Variants in PDK1 observed in about 807,000 individuals in gnomAD.
The protein encoded by PDK1 is pyruvate dehydrogenase kinase 1.
PDK1 carries 39 observed loss-of-function variants against 54.2 expected under a neutral mutation model. The ratio of observed to expected loss-of-function variants is 0.72; its 90% CI spans 0.56 to 0.94. The LOEUF (loss-of-function observed/expected upper bound fraction) is 0.94. Among genes scored for constraint, PDK1 ranks in the 40% least tolerant of loss-of-function variants. The probability of loss-of-function intolerance (pLI) is 0.00; values close to 1 mark genes in which losing one functional copy is unlikely to be tolerated. For synonymous variants in PDK1, 221 were observed against 207.1 expected (o/e 1.07, Z -0.58); for missense variants, 552 against 566.0 (o/e 0.98, Z 0.25).
Position 172,598,282 on chromosome 2 carries a change from T to C in PDK1, c.*2313T>C, listed in dbSNP as rs1361309869. The C allele has an allele frequency of 6.6e-6, 1 of 152,244 alleles. No individual in the cohort carries two copies. Among genetic ancestry groups the C allele is most frequent in the African/African-American group, 2.4e-5 (1 of 41,462 alleles). 9.4% of individuals were successfully genotyped at this position (152,244 alleles called of 1,614,324 possible). A position where few individuals can be genotyped will look rare whatever the true frequency, so the allele number is the denominator to read the frequency against. On this transcript the variant is annotated 3_prime_UTR_variant, in exon 11 of 11. Transcript: ENST00000282077. Reference sequence around the variant, plus strand: ...CCCAAGAAAATTTAAACTTTTTCTCTCTATTTAAAAGCTAAGAAATGTTTT... The same window carrying C: ...CCCAAGAAAATTTAAACTTTTTCTCCCTATTTAAAAGCTAAGAAATGTTTT...
rs926411147 is a variant in PDK1 at position 172,603,342 on chromosome 2, G to A, written c.*7373G>A. ...ACTTGGTGGATGTGTCCATGACCTC[G>A]AGATCGAAAACCCATTAGTTAATCT... On this transcript the variant is annotated 3_prime_UTR_variant, in exon 11 of 11. Transcript: ENST00000282077. The A allele has an allele frequency of 2.6e-5, 4 of 152,086 alleles. No individual in the cohort carries two copies. The highest frequency in any genetic ancestry group is 4.8e-5 in the African/African-American group (2 of 41,404). The allele number at this position is 152,086 out of a possible 1,614,324, so 9.4% of individuals were successfully genotyped here.
At chr2:172,711,745 C>T in the PDK1 span, among the ~76,000 whole-genome samples, 3 of 151,392 alleles carry the variant, frequency 2.0e-5, no homozygotes, top group African/African-American at 2.4e-5. Context: ...GCAGGCCTTT[C>T]GTCCCAGCTA....
At chr2:172,578,583 GA>G (rs1689707603) in intron 8 of PDK1, among the ~76,000 whole-genome samples, 1 of 151,712 alleles carries the variant, frequency 6.6e-6, no homozygotes, top group South Asian at 2.1e-4. Context: ...TTTATTGACT[GA>G]TTTTTCCTTG....
At chr2:172,587,731 G>C (rs1400144128) in intron 9 of PDK1, among the ~76,000 whole-genome samples, 1 of 151,324 alleles carries the variant, frequency 6.6e-6, no homozygotes, top group African/African-American at 2.4e-5. Flanking sequence ...ATTTTATAGA[G>C]AGCTGATTGG....
chr2:172,593,710 T>C (rs895529886), intron 10 of PDK1, among the ~76,000 whole-genome samples: 3 of 152,148 alleles, frequency 2.0e-5, no homozygotes, highest in East Asian at 1.9e-4. Context: ...TTGGTAAGCA[T>C]ATAGCTTACC....
rs764497569 is a variant in PDK1 at position 172,606,489 on chromosome 2, A to G, written c.*10520A>G. On this transcript the variant is annotated 3_prime_UTR_variant, in exon 11 of 11. Coordinates refer to ENST00000282077, the MANE Select transcript of PDK1 (RefSeq NM_002610.5). ...CTAGGAGGCAGACAGTAACTTCGGT[A>G]ATTAGAAACATCTGCACTCAGCAAC... 2.0e-5 allele frequency: 3 copies of G among 152,226 alleles called. No individual in the cohort carries two copies. The highest frequency in any genetic ancestry group is 1.3e-4 in the Admixed American group (2 of 15,284). The allele number at this position is 152,226 out of a possible 1,614,324, so 9.4% of individuals were successfully genotyped here. A position where few individuals can be genotyped will look rare whatever the true frequency, so the allele number is the denominator to read the frequency against.
At chr2:172,712,447 G>A in the PDK1 span, among the ~76,000 whole-genome samples, 2 of 152,172 alleles carry the variant, frequency 1.3e-5, no homozygotes, top group Non-Finnish European at 2.9e-5. Flanking sequence ...GGCTGCCAAG[G>A]GCAAGCTAGG....
intron 8 of PDK1, among the ~76,000 whole-genome samples, chr2:172,574,629 T>C (rs1689478206): frequency 6.6e-6 from 1 of 152,218 alleles, no homozygotes. Flanking sequence ...GTTTTTAGTG[T>C]ACAAGTCTTG....
chr2:172,568,792 A>G lies in PDK1; in HGVS notation c.821A>G (p.Tyr274Cys), dbSNP rs1445421501. The G allele has an allele frequency of 8.1e-6, 13 of 1,605,694 alleles. No individual in the cohort carries two copies. The highest frequency in any genetic ancestry group is 1.3e-5 in the African/African-American group (1 of 74,760). Reference sequence around the variant, plus strand: ...GTGGTTTATGTACCATCCCATCTCTATCACATGGTGTTTGAACTTTTCAAG... The same window carrying G: ...GTGGTTTATGTACCATCCCATCTCTGTCACATGGTGTTTGAACTTTTCAAG... ...IQVVYVPSHL[Y>C]HMVFELFKNA... Residue 274 changes from tyrosine to cysteine, a missense_variant, in exon 7 of 11, where the codon TAT becomes TGT. By Grantham distance (194) the Tyr-to-Cys change is radical. Coordinates refer to ENST00000282077, the MANE Select transcript of PDK1 (RefSeq NM_002610.5).
At chr2:172,559,151 G>A (rs1329376301) in intron 2 of PDK1, among the ~76,000 whole-genome samples, 1 of 152,184 alleles carries the variant, frequency 6.6e-6, no homozygotes, top group Non-Finnish European at 1.5e-5. Context: ...GTTTCACCAT[G>A]TTGGCCAGGA....
downstream of PDK1, among the ~76,000 whole-genome samples, chr2:172,612,236 A>G (rs1691485016): frequency 6.6e-6 from 1 of 152,236 alleles, no homozygotes; most frequent in Non-Finnish European, 1.5e-5. Context: ...TACAGCCAAG[A>G]TAGCAATTCC....
chr2:172,614,705 TA>T, the PDK1 span, among the ~76,000 whole-genome samples: 97 of 152,248 alleles, frequency 6.4e-4, no homozygotes, highest in Non-Finnish European at 9.7e-4. Context: ...TCCAACACAA[TA>T]AAACTCTTTT....
At chr2:172,639,828 A>C in the PDK1 span, among the ~76,000 whole-genome samples, 8,348 of 152,214 alleles carry the variant, frequency 0.055, 968 homozygotes, top group East Asian at 0.53. Flanking sequence ...AAATCAGCAA[A>C]ATGGGTGAGG....
chr2:172,594,669 A>C (rs188268366), intron 10 of PDK1, among the ~76,000 whole-genome samples: 1 of 152,318 alleles, frequency 6.6e-6, no homozygotes. Flanking sequence ...GGGAAAATAG[A>C]AGATAAGAAG....
the PDK1 span, among the ~76,000 whole-genome samples, chr2:172,681,161 C>G: frequency 4.4e-4 from 67 of 152,084 alleles, no homozygotes; most frequent in Non-Finnish European, 8.8e-4. Context: ...TTAAACTAGG[C>G]ACTGTATTTA....
the PDK1 span, among the ~76,000 whole-genome samples, chr2:172,623,623 T>C: frequency 1.4e-4 from 22 of 152,360 alleles, no homozygotes; most frequent in African/African-American, 5.3e-4. Context: ...CTAGGGCAGA[T>C]TGTTTTTCCC....
At chr2:172,644,117 A>C in the PDK1 span, among the ~76,000 whole-genome samples, 2 of 151,834 alleles carry the variant, frequency 1.3e-5, no homozygotes, top group Non-Finnish European at 2.9e-5. Flanking sequence ...CGAGGGCATG[A>C]GGAGGCATCC....
chr2:172,578,612 C>T (rs556737112), intron 8 of PDK1, among the ~76,000 whole-genome samples: 22 of 151,856 alleles, frequency 1.4e-4, no homozygotes, highest in African/African-American at 5.1e-4. Context: ...ATGGGCAATA[C>T]TTTTTTGTTT....
At chr2:172,557,439 C>A (rs1688394925) in intron 1 of PDK1, among the ~76,000 whole-genome samples, 1 of 152,130 alleles carries the variant, frequency 6.6e-6, no homozygotes, top group East Asian at 1.9e-4. Context: ...GGACATTCTA[C>A]AACGATTCTG....
Sources: gnomAD v4.1 joint callset for allele counts (sites outside exome capture counted in the v4.1 genomes callset) on GRCh38, gnomAD v4.1.1 for gene constraint, MANE v1.5 for transcripts, NCBI Gene and HGNC (gene_info 2026-07-23, HGNC 2026-07-21) for gene names.